Variants in CD1C observed in about 807,000 individuals in gnomAD.
CD1C encodes T-cell surface glycoprotein CD1c.
CD1C carries 47 observed loss-of-function variants against 39.4 expected under a neutral mutation model. That is an observed-to-expected ratio of 1.19 (90% CI 0.94 to 1.52). The LOEUF is 1.52. Ranked by LOEUF, CD1C falls within the 40% of genes most tolerant of loss-of-function variation. The pLI, the probability that CD1C is intolerant of heterozygous loss-of-function variation, is 0.00. For synonymous variants in CD1C, 165 were observed against 150.8 expected, an observed-to-expected ratio of 1.09 and a Z score of -0.69; for missense variants, 417 against 395.2, an observed-to-expected ratio of 1.06 and a Z score of -0.47.
chr1:158,292,234 A>G lies in CD1C; in HGVS notation c.479A>G (p.Gln160Arg). The G allele has an allele frequency of 6.2e-7, 1 of 1,614,198 alleles. No homozygotes were observed. The highest frequency in any genetic ancestry group is 8.5e-7 in the Non-Finnish European group (1 of 1,180,028). The change falls in exon 3 of 6, where the codon CAA (glutamine) becomes CGA (arginine). Residue 160 changes from glutamine to arginine, a missense_variant. Transcript: ENST00000368170. ...TCTCCAGGCTGTGGAAGTTTGGCCC[A>G]AAGTGTCTGTCATCTACTCAATCAT... ...VPSPGCGSLA[Q>R]SVCHLLNHQY...
Position 158,292,577 on chromosome 1 carries a change from C to A in CD1C, c.611-19C>A, listed in dbSNP as rs185843886. On this transcript the variant is annotated intron_variant, in intron 3 of 5. Transcript: ENST00000368170. ...GTGTGTAAGTTTCTTCATCAGAACACTTTTTCTGCTCTCTGCAGTGAGGCC... is the reference window on the plus strand; with the variant it reads ...GTGTGTAAGTTTCTTCATCAGAACAATTTTTCTGCTCTCTGCAGTGAGGCC... 6.2e-7 allele frequency: 1 copy of A among 1,607,578 alleles called. No individual in the cohort carries two copies. Among genetic ancestry groups the A allele is most frequent in the African/African-American group, 1.3e-5 (1 of 74,636 alleles).
In CD1C at chr1:158,294,092, C is replaced by G. The variant is rs1361104097; in HGVS notation, c.*616C>G. On this transcript the variant is annotated 3_prime_UTR_variant, in exon 6 of 6. Transcript: ENST00000368170. ...AAGTGCAGCCTTGTGCCTTGATACA[C>G]TTATTTTCTAAACACAGAGAATTAC... 2.0e-5 allele frequency among the ~76,000 whole-genome samples: 3 copies of G among 152,200 alleles called. No homozygotes were observed. The highest frequency in any genetic ancestry group is 7.2e-5 in the African/African-American group (3 of 41,450).
At position 158,293,812 on chromosome 1, in the gene CD1C, T is replaced by C. The variant is rs768523369; in HGVS notation, c.*336T>C. Among the ~76,000 whole-genome samples the C allele has an allele frequency of 8.5e-5, 13 of 152,272 alleles. No homozygotes were observed. Among genetic ancestry groups the C allele is most frequent in the South Asian group, 4.2e-4 (2 of 4,818 alleles). On this transcript the variant is annotated 3_prime_UTR_variant, in exon 6 of 6. Transcript: ENST00000368170. ...ACTTGAGTCTTTCATTTCACATTTT[T>C]AAGCTTTTAGGAGGCAAGGATCATG...
At chr1:158,291,980 A>T in intron 2 of CD1C, 104 bp from the exon 3 acceptor site, 2 of 1,149,692 alleles carry the variant, frequency 1.7e-6, no homozygotes, top group Non-Finnish European at 2.5e-6. Context: ...TCTCACATCC[A>T]TGTAAAACTT....
At chr1:158,291,787 A>G (rs1571144211) in intron 2 of CD1C, among the ~76,000 whole-genome samples, 1 of 150,912 alleles carries the variant, frequency 6.6e-6, no homozygotes, top group South Asian at 2.1e-4. Context: ...CTATCCTCCT[A>G]CCTCCCTCAC....
chr1:158,292,922 G>A (rs763589486), intron 4 of CD1C, 48 bp downstream of exon 4: 61 of 1,581,432 alleles, frequency 3.9e-5, no homozygotes, highest in Non-Finnish European at 5.2e-5. Context: ...TGAGCCTAGA[G>A]GTTAGGGGAG....
At position 158,294,615 on chromosome 1, in the gene CD1C, A is replaced by AAGATTTTGTTAAT. The variant is rs1384398489; in HGVS notation, c.*1140_*1141insGATTTTGTTAATA. Among the ~76,000 whole-genome samples the AAGATTTTGTTAAT allele has an allele frequency of 6.6e-6, 1 of 152,176 alleles. No homozygotes were observed. Among genetic ancestry groups the AAGATTTTGTTAAT allele is most frequent in the Non-Finnish European group, 1.5e-5 (1 of 68,028 alleles). ...TATAAGCCCATGTAAACAAAATCAC[A>AAGATTTTGTTAAT]ATCAAGATATTAAATGTCATAACCC... On this transcript the variant is annotated 3_prime_UTR_variant, in exon 6 of 6. Coordinates refer to ENST00000368170, the MANE Select transcript of CD1C (RefSeq NM_001765.3).
In CD1C at chr1:158,291,073, A is replaced by G. The variant is rs1464647694; in HGVS notation, c.62-61A>G. 4.6e-6 allele frequency: 7 copies of G among 1,526,758 alleles called. No homozygotes were observed. The Admixed American group carries it at 6.3e-5, about 14-fold the overall frequency. 94.6% of individuals were successfully genotyped at this position (1,526,758 alleles called of 1,614,324 possible). A position where few individuals can be genotyped will look rare whatever the true frequency, so the allele number is the denominator to read the frequency against. ...CTGGTTCACCTTCCATTTTCTCTCC[A>G]TTTTCCTTGCCTCTCTTTTTTTTTT... On this transcript the variant is annotated intron_variant, in intron 1 of 5. Transcript: ENST00000368170.
Position 158,292,517 on chromosome 1 carries a change from A to C in CD1C, c.611-79A>C, listed in dbSNP as rs573850719. 5 of 1,517,436 alleles carry C rather than the reference A, an allele frequency of 3.3e-6. No individual in the cohort carries two copies. The African/African-American group carries it at 5.5e-5, about 17-fold the overall frequency. The allele number at this position is 1,517,436 out of a possible 1,614,324, so 94.0% of individuals were successfully genotyped here. On this transcript the variant is annotated intron_variant, in intron 3 of 5. Transcript: ENST00000368170. ...AGAGGCAGGAAAAAGATAACTGTGC[A>C]TATTCATGTGGATGTGTGTATGTGG...
chr1:158,292,770 G>A lies in CD1C; in HGVS notation c.785G>A (p.Trp262Ter). The A allele has an allele frequency of 6.2e-7, 1 of 1,614,122 alleles. No homozygotes were observed. The highest frequency in any genetic ancestry group is 2.2e-5 in the East Asian group (1 of 44,884). Residue 262 changes from tryptophan to a stop codon, truncating the protein, a stop_gained, in exon 4 of 6, where the codon TGG becomes TAG. Transcript: ENST00000368170. LOFTEE classifies it high-confidence loss of function. ...ATTCTTCCTAATGCTGATGGGACAT[G>A]GTATCTTCAGGTGATCCTGGAGGTG... ...GDILPNADGT[W>*]YLQVILEVAS...
rs1651167497 is a variant in CD1C at position 158,294,651 on chromosome 1, T to C, written c.*1175T>C. On this transcript the variant is annotated 3_prime_UTR_variant, in exon 6 of 6. Coordinates refer to ENST00000368170, the MANE Select transcript of CD1C (RefSeq NM_001765.3). The stretch of plus-strand genomic sequence containing the variant: ...TAAATGTCATAACCCCTCATACCTG[T>C]TTGTAGTCAAGCACACCAACAACCT... Among the ~76,000 whole-genome samples the C allele has an allele frequency of 6.6e-6, 1 of 152,310 alleles. No individual in the cohort carries two copies. Among genetic ancestry groups the C allele is most frequent in the South Asian group, 2.1e-4 (1 of 4,824 alleles).
intron 2 of CD1C, 140 bp downstream of exon 2, chr1:158,291,540 C>T: frequency 1.2e-6 from 1 of 859,352 alleles, no homozygotes; most frequent in South Asian, 1.8e-5. Context: ...AAGGGATATT[C>T]CTGATGTTGA....
rs750070786 is a variant in CD1C, at chr1:158,292,087, C to A, written c.332C>A (p.Pro111His). 3 of 1,612,748 alleles carry A rather than the reference C, an allele frequency of 1.9e-6. No homozygotes were observed. In the South Asian group the frequency reaches 3.3e-5, roughly 18 times the overall value. Residue 111 changes from proline to histidine, a missense_variant, in exon 3 of 6, where the codon CCC becomes CAC. Pro to His is a moderately conservative substitution (Grantham distance 77). Transcript: ENST00000368170. The part of the protein sequence containing the change: ...DHASQDYSKY[P>H]FEVQVKAGCE... ...TCTCATTCCTCCCTTCCTCCAGATCCCTTTGAAGTACAGGTGAAAGCGGGC... is the reference window on the plus strand; with the variant it reads ...TCTCATTCCTCCCTTCCTCCAGATCACTTTGAAGTACAGGTGAAAGCGGGC...
intron 4 of CD1C, 99 bp from the exon 5 acceptor site, chr1:158,293,113 A>G (rs905622321): frequency 1.0e-6 from 1 of 1,003,520 alleles, no homozygotes; most frequent in African/African-American, 1.6e-5. Flanking sequence ...TAACTGATGC[A>G]ACTCATCCAA....
chr1:158,293,102 A>G (rs1651110365), intron 4 of CD1C, 110 bp from the exon 5 acceptor site: 4 of 966,768 alleles, frequency 4.1e-6, no homozygotes, highest in South Asian at 3.1e-5. Flanking sequence ...CTGAAATAGG[A>G]TAACTGATGC....
chr1:158,291,188 A>G lies in CD1C; in HGVS notation c.116A>G (p.Gln39Arg). 1 of 1,613,736 alleles carries G rather than the reference A, an allele frequency of 6.2e-7. No homozygotes were observed. Among genetic ancestry groups the G allele is most frequent in the Non-Finnish European group, 8.5e-7 (1 of 1,179,960 alleles). The change falls in exon 2 of 6, where the codon CAA becomes CGA. Residue 39 changes from glutamine (Q) to arginine (R), a missense_variant. Gln to Arg is a conservative substitution (Grantham distance 43). Coordinates refer to ENST00000368170, the MANE Select transcript of CD1C (RefSeq NM_001765.3). ...ATCCAGATCTTCTCATTTGTCAACC[A>G]ATCCTGGGCACGAGGTCAGGGCTCA... ...HVIQIFSFVN[Q>R]SWARGQGSGW...
rs114408627 is a variant in CD1C at position 158,291,247 on chromosome 1, G to C, written c.175G>C (p.Asp59His). 9.1e-5 allele frequency: 147 copies of C among 1,614,130 alleles called. No homozygotes were observed. Among genetic ancestry groups the C allele is most frequent in the Non-Finnish European group, 1.1e-4 (134 of 1,180,022 alleles). The change falls in exon 2 of 6, where the codon GAC (aspartate) becomes CAC (histidine). Residue 59 changes from aspartate (D) to histidine (H), a missense_variant. Coordinates refer to ENST00000368170, the MANE Select transcript of CD1C (RefSeq NM_001765.3). ...WLDELQTHGW[D>H]SESGTIIFLH... Reference sequence around the variant, plus strand: ...GGACGAGTTGCAGACTCATGGCTGGGACAGTGAATCAGGCACAATAATTTT... The same window carrying C: ...GGACGAGTTGCAGACTCATGGCTGGCACAGTGAATCAGGCACAATAATTTT...
chr1:158,293,127 A>G, intron 4 of CD1C, 85 bp from the exon 5 acceptor site: 5 of 1,094,774 alleles, frequency 4.6e-6, no homozygotes, highest in Middle Eastern at 2.0e-4. Context: ...CATCCAATGC[A>G]TATGTTAAGT....
rs943323599 is a variant in CD1C at position 158,294,543 on chromosome 1, T to C, written c.*1067T>C. Among the ~76,000 whole-genome samples, 7 of 152,222 alleles carry C rather than the reference T, an allele frequency of 4.6e-5. No homozygotes were observed. The highest frequency in any genetic ancestry group is 8.8e-5 in the Non-Finnish European group (6 of 68,046). ...GATTTTATTGATGTATAATTTATAGTAAAATTTGAATCTTTAAGTGTACAG... is the reference window on the plus strand; with the variant it reads ...GATTTTATTGATGTATAATTTATAGCAAAATTTGAATCTTTAAGTGTACAG... On this transcript the variant is annotated 3_prime_UTR_variant, in exon 6 of 6. Coordinates refer to ENST00000368170, the MANE Select transcript of CD1C (RefSeq NM_001765.3).
Sources: allele counts gnomAD v4.1 joint callset (sites outside exome capture counted in the v4.1 genomes callset), GRCh38; gene constraint gnomAD v4.1.1; transcripts MANE v1.5; gene names NCBI Gene and HGNC (gene_info 2026-07-23, HGNC 2026-07-21).